Variants in RAPH1 observed in about 807,000 individuals in gnomAD.
RAPH1 encodes the protein Ras association (RalGDS/AF-6) and pleckstrin homology domains 1.
In RAPH1, 18 loss-of-function variants were observed where a neutral mutation model predicts 88.1. That is an observed-to-expected ratio of 0.20 (90% CI 0.14 to 0.30). The LOEUF (loss-of-function observed/expected upper bound fraction) is 0.30. Among genes scored for constraint, RAPH1 ranks in the 10% least tolerant of loss-of-function variants. The probability of loss-of-function intolerance (pLI) is 1.00; values close to 1 mark genes in which losing one functional copy is unlikely to be tolerated. For missense variants in RAPH1, 1,448 were observed against 1,543.2 expected (o/e 0.94, Z 1.03); for synonymous variants, 587 against 559.0 (o/e 1.05, Z -0.71).
Position 203,434,079 on chromosome 2 carries a change from T to C in RAPH1, c.*5358A>G, listed in dbSNP as rs2264901. 2 of 150,438 alleles carry C rather than the reference T, an allele frequency of 1.3e-5. No individual in the cohort carries two copies. Among genetic ancestry groups the C allele is most frequent in the Non-Finnish European group, 2.9e-5 (2 of 67,810 alleles). The allele number at this position is 150,438 out of a possible 1,614,324, so 9.3% of individuals were successfully genotyped here. On this transcript the variant is annotated 3_prime_UTR_variant, in exon 14 of 14. Coordinates refer to ENST00000319170, the MANE Select transcript of RAPH1 (RefSeq NM_213589.3). Reference sequence around the variant, plus strand: ...ATCTATATATATATATATATATATATAGCTTTGCACAATCAGGGAGCAAGG... The same window carrying C: ...ATCTATATATATATATATATATATACAGCTTTGCACAATCAGGGAGCAAGG...
intron 1 of RAPH1, among the ~76,000 whole-genome samples, chr2:203,504,686 G>T (rs1421717213): frequency 7.0e-6 from 1 of 143,674 alleles, no homozygotes; most frequent in Non-Finnish European, 1.5e-5. Context: ...AAAAAAAAAA[G>T]TTTGTCTTTT....
In RAPH1 at chr2:203,436,185, C is replaced by G. The variant is rs1581234570; in HGVS notation, c.*3252G>C. On this transcript the variant is annotated 3_prime_UTR_variant, in exon 14 of 14. Transcript: ENST00000319170. ...GTTCACAGCCCTTTGCAGGATATGC[C>G]TTTGGTGGGTGGGAGCACCTAGATT... 6.6e-6 allele frequency: 1 copy of G among 152,164 alleles called. No individual in the cohort carries two copies. Among genetic ancestry groups the G allele is most frequent in the East Asian group, 1.9e-4 (1 of 5,198 alleles). 9.4% of individuals were successfully genotyped at this position (152,164 alleles called of 1,614,324 possible).
chr2:203,526,263 T>C (rs192037901), intron 1 of RAPH1, among the ~76,000 whole-genome samples: 43 of 152,318 alleles, frequency 2.8e-4, no homozygotes, highest in Non-Finnish European at 5.4e-4. Context: ...TGAAAAATTA[T>C]AGGTATATAC....
intron 4 of RAPH1, among the ~76,000 whole-genome samples, chr2:203,462,173 CTG>C (rs2153642067): frequency 6.6e-6 from 1 of 152,296 alleles, no homozygotes; most frequent in African/African-American, 2.4e-5. Context: ...AAAAAGAACT[CTG>C]TGATGTAGTA....
Position 203,459,927 on chromosome 2 carries a change from C to A in RAPH1, c.1072G>T (p.Ala358Ser). The A allele has an allele frequency of 6.2e-7, 1 of 1,612,756 alleles. No homozygotes were observed. Among genetic ancestry groups the A allele is most frequent in the African/African-American group, 1.3e-5 (1 of 74,964 alleles). Residue 358 changes from alanine (A) to serine (S), a missense_variant, in exon 7 of 14, where the codon GCA (alanine) becomes TCA (serine). Coordinates refer to ENST00000319170, the MANE Select transcript of RAPH1 (RefSeq NM_213589.3). ...CTTACCTGTGGGTTTTTGAAAAGTG[C>A]ATATTTTTCTATACGCTCCATAAAT... ...LIFMERIEKY[A>S]LFKNPQNYLL... is the part of the protein sequence containing the mutation.
intron 1 of RAPH1, among the ~76,000 whole-genome samples, chr2:203,520,793 T>C (rs549352591): frequency 9.8e-5 from 15 of 152,322 alleles, no homozygotes; most frequent in African/African-American, 3.4e-4. Context: ...AGGAACATTC[T>C]GGTAGGACAT....
intron 4 of RAPH1, among the ~76,000 whole-genome samples, 171 bp from the exon 5 acceptor site, chr2:203,462,096 C>T (rs1231022410): frequency 1.3e-5 from 2 of 152,122 alleles, no homozygotes; most frequent in Non-Finnish European, 2.9e-5. Context: ...TATAAAGAAA[C>T]ATTTTATAGA....
At chr2:203,473,381 C>T (rs958750520) in intron 4 of RAPH1, among the ~76,000 whole-genome samples, 2 of 152,064 alleles carry the variant, frequency 1.3e-5, no homozygotes, top group Non-Finnish European at 2.9e-5. Context: ...TGGGGTGAAA[C>T]TGGTTACTGG....
At chr2:203,456,852 T>C (rs1241339584) in intron 8 of RAPH1, among the ~76,000 whole-genome samples, 1 of 152,194 alleles carries the variant, frequency 6.6e-6, no homozygotes, top group Non-Finnish European at 1.5e-5. Flanking sequence ...TATTTAATTA[T>C]TTAAGGATAA....
intron 4 of RAPH1, among the ~76,000 whole-genome samples, chr2:203,477,699 ATG>A (rs1687527679): frequency 6.6e-6 from 1 of 152,132 alleles, no homozygotes; most frequent in African/African-American, 2.4e-5. Context: ...TAGATGAATA[ATG>A]TGTTTTGTTT....
In RAPH1 at chr2:203,506,832, C is replaced by CTATATA. The variant is rs1553630461; in HGVS notation, c.1-11480_1-11479insTATATA. On this transcript the variant is annotated intron_variant, in intron 1 of 13. Transcript: ENST00000319170. ...TATATCTATATATCTATATATATATCTATATCTATATATCTATCTATATCT... is the reference window on the plus strand; with the variant it reads ...TATATCTATATATCTATATATATATCTATATATATATCTATATATCTATCTATATCT... Among the ~76,000 whole-genome samples, 108 of 11,680 alleles carry CTATATA rather than the reference C, an allele frequency of 9.2e-3. 2 individuals are homozygous for CTATATA. The highest frequency in any genetic ancestry group is 0.013 in the Non-Finnish European group (72 of 5,518). The allele number at this position is 11,680 out of a possible 152,430, so 7.7% of individuals were successfully genotyped here.
chr2:203,534,517 C>T (rs1286529740), intron 1 of RAPH1, among the ~76,000 whole-genome samples: 1 of 109,430 alleles, frequency 9.1e-6, no homozygotes, highest in Admixed American at 8.7e-5. Context: ...CACCCCCCCC[C>T]CCCCCCCATG....
intron 1 of RAPH1, among the ~76,000 whole-genome samples, chr2:203,510,045 T>C (rs1375431975): frequency 6.6e-6 from 1 of 152,062 alleles, no homozygotes; most frequent in Non-Finnish European, 1.5e-5. Context: ...AATTATACAG[T>C]CTCAGGTATT....
At chr2:203,506,755 T>G (rs1394823911) in intron 1 of RAPH1, among the ~76,000 whole-genome samples, 1 of 131,736 alleles carries the variant, frequency 7.6e-6, no homozygotes, top group Non-Finnish European at 1.5e-5. Context: ...TATATATATA[T>G]ATCTATATAT....
intron 4 of RAPH1, among the ~76,000 whole-genome samples, chr2:203,467,930 G>A (rs2098529915): frequency 6.6e-6 from 1 of 151,696 alleles, no homozygotes; most frequent in African/African-American, 2.4e-5. Flanking sequence ...ACCACGCCAG[G>A]CTAATTTTTG....
intron 1 of RAPH1, among the ~76,000 whole-genome samples, chr2:203,515,425 T>C (rs962236843): frequency 6.6e-6 from 1 of 152,196 alleles, no homozygotes; most frequent in African/African-American, 2.4e-5. Flanking sequence ...GCCCTGTTTT[T>C]CATCATAGCT....
intron 1 of RAPH1, among the ~76,000 whole-genome samples, chr2:203,512,342 T>TG (rs1043935447): frequency 1.5e-5 from 2 of 137,008 alleles, no homozygotes; most frequent in Non-Finnish European, 3.1e-5. Flanking sequence ...GGTGACAGAG[T>TG]GAGACTCTGT....
intron 1 of RAPH1, among the ~76,000 whole-genome samples, chr2:203,508,527 T>TATACCCAAATC (rs2105914334): frequency 6.6e-6 from 1 of 152,294 alleles, no homozygotes; most frequent in Admixed American, 6.5e-5. Flanking sequence ...GACCTCCACC[T>TATACCCAAATC]ATACCCAAAT....
chr2:203,507,638 T>G (rs1689147588), intron 1 of RAPH1, among the ~76,000 whole-genome samples: 1 of 152,142 alleles, frequency 6.6e-6, no homozygotes, highest in African/African-American at 2.4e-5. Context: ...ACAAAATAAT[T>G]GGCCAACACT....
Sources: allele counts gnomAD v4.1 joint callset (sites outside exome capture counted in the v4.1 genomes callset), GRCh38; gene constraint gnomAD v4.1.1; transcripts MANE v1.5; gene names NCBI Gene and HGNC (gene_info 2026-07-23, HGNC 2026-07-21).